Variants in CADM2 observed in about 807,000 individuals in gnomAD.
CADM2 encodes the protein immunoglobulin superfamily member 4D.
A neutral mutation model predicts 49.8 loss-of-function variants in CADM2; 12 were observed. That is an observed-to-expected ratio of 0.24 (90% confidence interval 0.15 to 0.39). The LOEUF (loss-of-function observed/expected upper bound fraction) is 0.39. Among genes scored for constraint, CADM2 ranks in the 10% least tolerant of loss-of-function variants. The probability of loss-of-function intolerance (pLI) is 1.00; values close to 1 mark genes in which losing one functional copy is unlikely to be tolerated. For synonymous variants in CADM2, 214 were observed against 175.4 expected (o/e 1.22, Z -1.74); for missense variants, 378 against 492.3 (o/e 0.77, Z 2.20).
chr3:85,021,378 G>A (rs532852089), intron 1 of CADM2, among the ~76,000 whole-genome samples: 2 of 152,242 alleles, frequency 1.3e-5, no homozygotes, highest in South Asian at 4.1e-4. Context: ...GGAATTTATC[G>A]AGAATGTCAC....
intron 1 of CADM2, among the ~76,000 whole-genome samples, chr3:85,039,842 G>A (rs947684406): frequency 2.6e-5 from 4 of 152,238 alleles, no homozygotes; most frequent in South Asian, 2.1e-4. Flanking sequence ...TCTTAACTGC[G>A]TAGCAATAAC....
At chr3:85,844,059 A>G (rs980332691) in intron 3 of CADM2, among the ~76,000 whole-genome samples, 1 of 152,030 alleles carries the variant, frequency 6.6e-6, no homozygotes, top group Non-Finnish European at 1.5e-5. Flanking sequence ...CTGATAGGGG[A>G]CTGAAGCTTT....
Position 85,212,900 on chromosome 3 carries a change from TA to T in CADM2, c.61+253234del. On this transcript the variant is annotated intron_variant, in intron 1 of 9. Coordinates refer to ENST00000383699, the MANE Select transcript of CADM2 (RefSeq NM_001167675.2). ...TTTCTTTCTTTCTCTTTCTTTCTTTTAATGGAGTCTCACACTGTCACCCAGA... is the reference window on the plus strand; with the variant it reads ...TTTCTTTCTTTCTCTTTCTTTCTTTTATGGAGTCTCACACTGTCACCCAGA... Among the ~76,000 whole-genome samples the T allele has an allele frequency of 1.8e-5, 2 of 109,460 alleles. 1 individual carries two copies. The highest frequency in any genetic ancestry group is 6.3e-5 in the African/African-American group (2 of 31,978). The allele number at this position is 109,460 out of a possible 152,430, so 71.8% of individuals were successfully genotyped here.
chr3:85,074,310 A>G (rs1437971742), intron 1 of CADM2, among the ~76,000 whole-genome samples: 1 of 151,988 alleles, frequency 6.6e-6, no homozygotes, highest in African/African-American at 2.4e-5. Flanking sequence ...CTTTGCTAAA[A>G]TCTCAACTTC....
chr3:85,858,576 C>T (rs977615951), intron 3 of CADM2, among the ~76,000 whole-genome samples: 3 of 152,198 alleles, frequency 2.0e-5, no homozygotes, highest in East Asian at 1.9e-4. Flanking sequence ...GTATACTGCC[C>T]GGAGGAAGCC....
chr3:85,079,661 C>T (rs955918614), intron 1 of CADM2, among the ~76,000 whole-genome samples: 1 of 151,706 alleles, frequency 6.6e-6, no homozygotes, highest in Non-Finnish European at 1.5e-5. Context: ...CACATAATTT[C>T]AATTTCTGTA....
intron 1 of CADM2, among the ~76,000 whole-genome samples, chr3:85,030,719 T>C (rs2107322896): frequency 6.6e-6 from 1 of 152,226 alleles, no homozygotes; most frequent in East Asian, 1.9e-4. Context: ...AGCCCACACC[T>C]TTCCCTCCCA....
intron 1 of CADM2, among the ~76,000 whole-genome samples, chr3:85,697,923 T>C (rs1011878847): frequency 6.6e-6 from 1 of 152,222 alleles, no homozygotes; most frequent in Admixed American, 6.5e-5. Context: ...TGTGTTTTGC[T>C]GGGGAAATAA....
intron 1 of CADM2, among the ~76,000 whole-genome samples, chr3:85,340,037 T>C (rs2045197627): frequency 1.3e-5 from 2 of 151,430 alleles, no homozygotes; most frequent in Non-Finnish European, 3.0e-5. Context: ...TATTTTCTTA[T>C]TTTTCTATGG....
chr3:85,686,050 T>A (rs2066205047), intron 1 of CADM2, among the ~76,000 whole-genome samples: 1 of 152,260 alleles, frequency 6.6e-6, no homozygotes, highest in African/African-American at 2.4e-5. Flanking sequence ...AGGCACAAGC[T>A]GAAATTTTGT....
rs535839914 is a variant in CADM2 at position 85,739,163 on chromosome 3, A to G, written c.88+12615A>G. On this transcript the variant is annotated intron_variant, in intron 2 of 9. Coordinates refer to ENST00000383699, the MANE Select transcript of CADM2 (RefSeq NM_001167675.2). ...GAAAGGAAGTTTGCATTATCACTTT[A>G]TATATTCTATTATTAAACTTTCACT... Among the ~76,000 whole-genome samples the G allele has an allele frequency of 1.2e-4, 18 of 152,206 alleles. No homozygotes were observed. The East Asian group carries it at 3.5e-3, about 29-fold the overall frequency.
chr3:85,339,398 G>A (rs553772175), intron 1 of CADM2, among the ~76,000 whole-genome samples: 1 of 151,448 alleles, frequency 6.6e-6, no homozygotes, highest in Admixed American at 6.6e-5. Flanking sequence ...TAATTAAAAT[G>A]GAAATGTGTC....
chr3:85,225,262 C>A (rs1410580811), intron 1 of CADM2, among the ~76,000 whole-genome samples: 2 of 152,116 alleles, frequency 1.3e-5, no homozygotes. Context: ...TTGTATGTCT[C>A]CTCTTTTATT....
At chr3:85,401,007 C>A (rs1167255547) in intron 1 of CADM2, among the ~76,000 whole-genome samples, 3 of 152,156 alleles carry the variant, frequency 2.0e-5, no homozygotes, top group African/African-American at 4.8e-5. Flanking sequence ...AACAGTGGCT[C>A]AATGCTTTAC....
chr3:85,923,521 AT>A lies in CADM2; in HGVS notation c.700+10980del, dbSNP rs201662005. Among the ~76,000 whole-genome samples the A allele has an allele frequency of 2.4e-3, 342 of 144,672 alleles. 5 individuals are homozygous for A. In the East Asian group the frequency reaches 0.03, roughly 13 times the overall value. 94.9% of individuals were successfully genotyped at this position (144,672 alleles called of 152,430 possible). On this transcript the variant is annotated intron_variant, in intron 6 of 9. Coordinates refer to ENST00000383699, the MANE Select transcript of CADM2 (RefSeq NM_001167675.2). ...GAAAATTAAAAATTCTGAGTTCTCA[AT>A]TGATATCATGAAAGCAAAAAAAAAA...
chr3:85,007,040 T>A (rs1221527299), intron 1 of CADM2, among the ~76,000 whole-genome samples: 1 of 152,160 alleles, frequency 6.6e-6, no homozygotes, highest in Non-Finnish European at 1.5e-5. Context: ...ACAGTGTATT[T>A]AGAGCAACCT....
chr3:85,159,752 G>A (rs1291928708), intron 1 of CADM2, among the ~76,000 whole-genome samples: 1 of 152,072 alleles, frequency 6.6e-6, no homozygotes, highest in South Asian at 2.1e-4. Context: ...GAATTTTACA[G>A]AGTTTTTAGG....
At chr3:85,370,318 A>G (rs2033131282) in intron 1 of CADM2, among the ~76,000 whole-genome samples, 1 of 151,520 alleles carries the variant, frequency 6.6e-6, no homozygotes, top group African/African-American at 2.4e-5. Context: ...GCTACTCCAA[A>G]GGCTGAGGCA....
chr3:85,441,259 A>G (rs983533442), intron 1 of CADM2, among the ~76,000 whole-genome samples: 1 of 151,962 alleles, frequency 6.6e-6, no homozygotes, highest in Non-Finnish European at 1.5e-5. Flanking sequence ...AAACAATCTA[A>G]TTCATAATGC....
Sources: gnomAD v4.1 joint callset for allele counts (sites outside exome capture counted in the v4.1 genomes callset) on GRCh38, gnomAD v4.1.1 for gene constraint, MANE v1.5 for transcripts, NCBI Gene and HGNC (gene_info 2026-07-23, HGNC 2026-07-21) for gene names.